Variants in AFG2B observed in about 807,000 individuals in gnomAD.
The protein encoded by AFG2B is AAA ATPase AFG2B.
At chr15:45,415,552 C>T in the AFG2B span, 1 of 1,484,698 alleles carries the variant, frequency 6.7e-7, no homozygotes, top group Non-Finnish European at 9.3e-7. Flanking sequence ...TAATGTATAA[C>T]ATATAGCTTT....
chr15:45,415,619 A>G, the AFG2B span: 2 of 1,614,096 alleles, frequency 1.2e-6, no homozygotes, highest in Non-Finnish European at 1.7e-6. Context: ...GCACTCCAGC[A>G]ATTTTGTTTT....
the AFG2B span, chr15:45,421,250 ATGTGAACTTGCC>A: frequency 7.0e-7 from 1 of 1,427,892 alleles, no homozygotes; most frequent in Non-Finnish European, 9.4e-7. Flanking sequence ...ATTAATTGAA[ATGTGAACTTGCC>A]TGTCGTTTGC....
the AFG2B span, chr15:45,405,343 TAAAC>T: frequency 8.1e-6 from 13 of 1,614,062 alleles, no homozygotes; most frequent in Admixed American, 1.2e-4. Context: ...CTCCCACACT[TAAAC>T]AAAGAAAGGA....
the AFG2B span, chr15:45,414,695 C>T: frequency 6.2e-7 from 1 of 1,614,190 alleles, no homozygotes; most frequent in Non-Finnish European, 8.5e-7. Context: ...GCCCTGGCCA[C>T]AAGCTGTCAC....
the AFG2B span, chr15:45,417,203 T>C: frequency 1.3e-6 from 2 of 1,563,612 alleles, no homozygotes; most frequent in East Asian, 4.5e-5. Flanking sequence ...ACCTTCTGAT[T>C]TATAATTTTT....
chr15:45,404,835 T>A, the AFG2B span, among the ~76,000 whole-genome samples: 693 of 149,092 alleles, frequency 4.6e-3, 2 homozygotes, highest in Middle Eastern at 0.01. Context: ...AAAAAAAAAA[T>A]ATATATATGT....
At chr15:45,403,551 G>A in the AFG2B span, 1 of 1,587,298 alleles carries the variant, frequency 6.3e-7, no homozygotes, top group Non-Finnish European at 8.5e-7. Context: ...CCCACTGTCG[G>A]TGGAACCTCG....
At chr15:45,418,594 T>C in the AFG2B span, 1 of 1,613,464 alleles carries the variant, frequency 6.2e-7, no homozygotes, top group Non-Finnish European at 8.5e-7. Flanking sequence ...ACAAAAACCA[T>C]GCCAATAGGG....
chr15:45,410,217 A>G, the AFG2B span, among the ~76,000 whole-genome samples: 1 of 152,244 alleles, frequency 6.6e-6, no homozygotes, highest in Non-Finnish European at 1.5e-5. Flanking sequence ...GCAGGGAGAC[A>G]TTTAATTCTT....
chr15:45,415,495 CAAA>C, the AFG2B span: 1,122 of 835,358 alleles, frequency 1.3e-3, no homozygotes, highest in Non-Finnish European at 1.4e-3. Flanking sequence ...AAGACTGTCT[CAAA>C]AAAAAAAAAA....
the AFG2B span, chr15:45,403,071 G>C: frequency 6.5e-7 from 1 of 1,536,520 alleles, no homozygotes; most frequent in East Asian, 2.5e-5. Context: ...CGCTGCGGGA[G>C]CTCCTCCGCC....
the AFG2B span, among the ~76,000 whole-genome samples, chr15:45,408,951 T>C: frequency 6.6e-6 from 1 of 152,198 alleles, no homozygotes; most frequent in Non-Finnish European, 1.5e-5. Flanking sequence ...CAGCCTTTAC[T>C]ATCATGATTG....
the AFG2B span, among the ~76,000 whole-genome samples, chr15:45,416,069 A>G: frequency 6.6e-6 from 1 of 152,182 alleles, no homozygotes; most frequent in African/African-American, 2.4e-5. Flanking sequence ...ACTTATTGCT[A>G]ATAGAGAAGG....
the AFG2B span, among the ~76,000 whole-genome samples, chr15:45,404,638 C>G: frequency 6.6e-6 from 1 of 151,948 alleles, no homozygotes; most frequent in African/African-American, 2.4e-5. Flanking sequence ...GAAACCCCGT[C>G]TCTGCTAAAA....
the AFG2B span, among the ~76,000 whole-genome samples, chr15:45,410,147 A>G: frequency 6.6e-6 from 1 of 152,136 alleles, no homozygotes. Context: ...CTAGCATAAC[A>G]TACTGGAAAA....
the AFG2B span, among the ~76,000 whole-genome samples, chr15:45,407,830 A>G: frequency 6.6e-6 from 1 of 152,222 alleles, no homozygotes; most frequent in South Asian, 2.1e-4. Flanking sequence ...TTTTAATAAA[A>G]TTTTCAGGAC....
the AFG2B span, chr15:45,406,940 A>G: frequency 8.4e-6 from 9 of 1,070,648 alleles, no homozygotes; most frequent in African/African-American, 1.6e-5. Context: ...GTGTGTAAAG[A>G]TGTGAGAATA....
chr15:45,414,617 G>A, the AFG2B span: 1 of 1,614,116 alleles, frequency 6.2e-7, no homozygotes, highest in South Asian at 1.1e-5. Context: ...GTTAGAATGG[G>A]CCTGACACAA....
At chr15:45,402,666 G>C in the AFG2B span, 1 of 1,577,850 alleles carries the variant, frequency 6.3e-7, no homozygotes, top group South Asian at 1.1e-5. Context: ...CGCTGTGCGC[G>C]AGCCCCGGGG....
Sources: gnomAD v4.1 joint callset for allele counts (sites outside exome capture counted in the v4.1 genomes callset) on GRCh38, gnomAD v4.1.1 for gene constraint, MANE v1.5 for transcripts, NCBI Gene and HGNC (gene_info 2026-07-23, HGNC 2026-07-21) for gene names.